The following TRPC5 variants were observed in gnomAD, a reference collection of about 807,000 sequenced individuals.
The protein encoded by TRPC5 is short transient receptor potential channel 5.
TRPC5 carries 9 observed loss-of-function variants against 56.5 expected under a neutral mutation model. That is an observed-to-expected ratio of 0.16 (90% CI 0.10 to 0.28). The LOEUF (loss-of-function observed/expected upper bound fraction) is 0.28. TRPC5 is among the 10% of genes least tolerant of loss of function. The pLI, the probability that TRPC5 is intolerant of heterozygous loss-of-function variation, is 1.00. For missense variants in TRPC5, 469 were observed against 748.9 expected, an observed-to-expected ratio of 0.63 and a Z score of 4.36; for synonymous variants, 282 against 278.5, an observed-to-expected ratio of 1.01 and a Z score of -0.13.
At chrX:111,782,806 A>AACAC (rs1186498788) in intron 7 of TRPC5, among the ~76,000 whole-genome samples, 52,206 of 91,725 alleles carry the variant, frequency 0.57, 13,716 homozygotes, top group East Asian at 0.85. Flanking sequence ...CATTATAATC[A>AACAC]ACACACACAC....
intron 1 of TRPC5, among the ~76,000 whole-genome samples, chrX:112,025,728 T>C (rs1411976155): frequency 6.3e-5 from 7 of 111,741 alleles, no homozygotes; most frequent in African/African-American, 2.0e-4. Flanking sequence ...TCTTCATGTG[T>C]GTTTTCTTTA....
intron 1 of TRPC5, among the ~76,000 whole-genome samples, chrX:111,967,233 C>T (rs1414145902): frequency 9.0e-6 from 1 of 111,335 alleles, no homozygotes; most frequent in South Asian, 3.8e-4. Context: ...TTCACAATTG[C>T]TACAAAGAGA....
intron 6 of TRPC5, among the ~76,000 whole-genome samples, chrX:111,836,728 C>T (rs1375204264): frequency 8.9e-6 from 1 of 112,583 alleles, no homozygotes; most frequent in Non-Finnish European, 1.9e-5. Context: ...AGAGACATAG[C>T]TGCTAGGTAG....
chrX:111,837,604 AAT>A (rs1420421561), intron 6 of TRPC5, among the ~76,000 whole-genome samples: 1 of 111,617 alleles, frequency 9.0e-6, no homozygotes, highest in Non-Finnish European at 1.9e-5. Context: ...ATATGTAATC[AAT>A]ATGTTGGTAG....
At chrX:111,903,721 T>C (rs1925476522) in intron 3 of TRPC5, 1 of 111,899 alleles carries the variant, frequency 8.9e-6, no homozygotes, top group African/African-American at 3.2e-5. Flanking sequence ...AGAGAGGGGC[T>C]CATCATTCTG....
chrX:111,849,709 G>T (rs1923029234), intron 5 of TRPC5, among the ~76,000 whole-genome samples: 1 of 112,019 alleles, frequency 8.9e-6, no homozygotes. Context: ...GTGAGTTTTT[G>T]CTTAAAGATG....
intron 7 of TRPC5, among the ~76,000 whole-genome samples, chrX:111,827,604 G>A (rs1922279484): frequency 9.0e-6 from 1 of 111,399 alleles, no homozygotes; most frequent in African/African-American, 3.3e-5. Context: ...CTTCACATCT[G>A]ATCTAGTTCA....
chrX:112,059,154 A>C (rs971952185), intron 1 of TRPC5, among the ~76,000 whole-genome samples: 1 of 111,735 alleles, frequency 8.9e-6, no homozygotes, highest in African/African-American at 3.3e-5. Context: ...TAGCTTCACT[A>C]GTTTCTGAGG....
At position 111,776,859 on chromosome X, in the gene TRPC5, G is replaced by C. The variant is rs1171614218; in HGVS notation, c.2376C>G (p.Ala792=). The C allele has an allele frequency of 8.3e-7, 1 of 1,209,693 alleles. No homozygotes were observed. Among genetic ancestry groups the C allele is most frequent in the African/African-American group, 1.7e-5 (1 of 57,150 alleles). Residue 792 remains alanine, a synonymous_variant, in exon 11 of 11, where the codon GCC becomes GCG. Transcript: ENST00000262839. The part of the protein sequence containing the change: ...DNNDGSGGAR[A]KSKSVSFNLG... ...AATTAAAAGAGACACTCTTGGATTT[G>C]GCCCGAGCCCCACCACTGCCATCAT...
chrX:112,023,581 A>G (rs1039616182), intron 1 of TRPC5, among the ~76,000 whole-genome samples: 1 of 110,665 alleles, frequency 9.0e-6, no homozygotes, highest in African/African-American at 3.3e-5. Flanking sequence ...GCCTTGTGTC[A>G]ATTTATACTA....
intron 7 of TRPC5, among the ~76,000 whole-genome samples, chrX:111,793,430 C>A (rs1233114661): frequency 8.9e-6 from 1 of 112,117 alleles, no homozygotes; most frequent in Non-Finnish European, 1.9e-5. Context: ...CATAAATGGA[C>A]AACAAGCTCC....
intron 1 of TRPC5, among the ~76,000 whole-genome samples, chrX:112,079,169 G>T (rs997047774): frequency 1.8e-5 from 2 of 112,017 alleles, no homozygotes; most frequent in African/African-American, 3.2e-5. Flanking sequence ...CATCTGAACA[G>T]CTTAGTATAC....
chrX:112,025,635 C>T (rs1031160844), intron 1 of TRPC5, among the ~76,000 whole-genome samples: 6 of 111,729 alleles, frequency 5.4e-5, no homozygotes, highest in African/African-American at 1.6e-4. Context: ...TTCCGCATCT[C>T]ATTAACCCCA....
At chrX:111,917,783 C>G (rs1926017901) in intron 2 of TRPC5, among the ~76,000 whole-genome samples, 3 of 112,730 alleles carry the variant, frequency 2.7e-5, no homozygotes, top group Admixed American at 9.3e-5. Flanking sequence ...TCCAGGGCAA[C>G]CAAGGCCTGA....
intron 3 of TRPC5, among the ~76,000 whole-genome samples, chrX:111,888,510 CAAAAAAAAAAAAAAGAAAGAAAAG>C (rs1378846405): frequency 8.4e-4 from 55 of 65,277 alleles, no homozygotes; most frequent in South Asian, 4.4e-3. Flanking sequence ...CCGTCTCTAC[CAAAAAAAAAAAAAAGAAAGAAAAG>C]AAAAAAAAAA....
intron 1 of TRPC5, among the ~76,000 whole-genome samples, chrX:112,014,002 G>A (rs916286727): frequency 1.3e-4 from 15 of 111,937 alleles, no homozygotes; most frequent in African/African-American, 4.9e-4. Context: ...TTCTAAAACC[G>A]GTTCTCAAGC....
intron 1 of TRPC5, among the ~76,000 whole-genome samples, chrX:111,956,930 T>G (rs950676076): frequency 8.9e-6 from 1 of 111,930 alleles, no homozygotes; most frequent in Non-Finnish European, 1.9e-5. Context: ...ATCACCTGCC[T>G]ATAACCTTTA....
intron 1 of TRPC5, among the ~76,000 whole-genome samples, chrX:111,980,436 C>T (rs1412730220): frequency 9.0e-6 from 1 of 111,184 alleles, no homozygotes; most frequent in African/African-American, 3.3e-5. Flanking sequence ...CCAAATTTTA[C>T]ACTTTATGTG....
chrX:112,078,853 A>G (rs1245930042), intron 1 of TRPC5, among the ~76,000 whole-genome samples: 1 of 111,843 alleles, frequency 8.9e-6, no homozygotes, highest in Non-Finnish European at 1.9e-5. Flanking sequence ...CACTGGACAA[A>G]GTTTGAGGGG....
Sources: allele counts gnomAD v4.1 joint callset (sites outside exome capture counted in the v4.1 genomes callset), GRCh38; gene constraint gnomAD v4.1.1; transcripts MANE v1.5; gene names NCBI Gene and HGNC (gene_info 2026-07-23, HGNC 2026-07-21).